Variants in RIF1 observed in about 807,000 individuals in gnomAD.
RIF1 encodes the protein telomere-associated protein RIF1.
Under a neutral mutation model 247.1 loss-of-function variants are expected in RIF1, and 45 were observed. The ratio of observed to expected loss-of-function variants is 0.18; its 90% CI spans 0.14 to 0.23. RIF1 has a LOEUF of 0.23. RIF1 is among the 10% of genes least tolerant of loss of function. The pLI is 1.00. For missense variants in RIF1, 2,967 were observed against 2,862.5 expected, an observed-to-expected ratio of 1.04 and a Z score of -0.83; for synonymous variants, 1,087 against 978.8, an observed-to-expected ratio of 1.11 and a Z score of -2.06.
At chr2:151,437,567 T>C (rs1691462519) in intron 13 of RIF1, among the ~76,000 whole-genome samples, 1 of 152,114 alleles carries the variant, frequency 6.6e-6, no homozygotes, top group African/African-American at 2.4e-5. Context: ...GGCAGATACC[T>C]GTAGTCCCAG....
chr2:151,494,219 G>A (rs756041236), intron 9 of RIF1: 5 of 1,606,366 alleles, frequency 3.1e-6, no homozygotes, highest in Admixed American at 1.7e-5. Context: ...GACAGGGGTT[G>A]CGGTGGCTTT....
chr2:151,515,969 T>G, the RIF1 span, among the ~76,000 whole-genome samples: 3 of 152,220 alleles, frequency 2.0e-5, no homozygotes, highest in Non-Finnish European at 4.4e-5. Flanking sequence ...TGGTTAAAAA[T>G]GACCAAAAGA....
At chr2:151,491,857 C>T in intron 9 of RIF1, 1 of 1,177,854 alleles carries the variant, frequency 8.5e-7, no homozygotes, top group Non-Finnish European at 1.2e-6. Context: ...TTTTAACAAC[C>T]ACCAAAGGAT....
At position 151,460,003 on chromosome 2, in the gene RIF1, G is replaced by A. The variant is rs1210007222; in HGVS notation, c.2959G>A (p.Glu987Lys). ...ESSGPYSDGT[E>K]NSQLNVKISG... ...TGTTTCATTTTTAATAAAACAGACA[G>A]AAAATTCACAACTAAATGTGAAGAT... Residue 987 changes from glutamate to lysine, a missense_variant, in exon 26 of 36, where the codon GAA becomes AAA. Transcript: ENST00000444746. 2 of 1,526,892 alleles carry A rather than the reference G, an allele frequency of 1.3e-6. No homozygotes were observed. The highest frequency in any genetic ancestry group is 2.8e-5 in the African/African-American group (2 of 70,546). 94.6% of individuals were successfully genotyped at this position (1,526,892 alleles called of 1,614,324 possible).
In RIF1 at chr2:151,464,740, A is replaced by C; in HGVS notation, c.5220A>C (p.Gln1740His). ...KGCDCCGEKSQPQEKSLIGLK... is the reference protein window; with the variant it reads ...KGCDCCGEKSHPQEKSLIGLK... ...GTGATTGCTGTGGGGAAAAATCACAACCTCAGGAAAAGTCACTCATTGGGT... is the reference window on the plus strand; with the variant it reads ...GTGATTGCTGTGGGGAAAAATCACACCCTCAGGAAAAGTCACTCATTGGGT... Residue 1740 changes from glutamine to histidine, a missense_variant, in exon 30 of 36, where the codon CAA becomes CAC. Physicochemically the swap from Gln to His is conservative, Grantham distance 24. Transcript: ENST00000444746. The C allele has an allele frequency of 2.5e-6, 4 of 1,613,446 alleles. No individual in the cohort carries two copies. In the South Asian group the frequency reaches 4.4e-5, roughly 18 times the overall value.
At chr2:151,498,206 A>T in intron 10 of RIF1, 1 of 1,549,464 alleles carries the variant, frequency 6.5e-7, no homozygotes, top group Non-Finnish European at 8.7e-7. Flanking sequence ...AAATGTAAAG[A>T]TCAGTTTAAT....
chr2:151,506,403 TTTCC>T, intron 13 of RIF1: 1 of 642,112 alleles, frequency 1.6e-6, no homozygotes, highest in Non-Finnish European at 2.8e-6. Flanking sequence ...GCACCTGACA[TTTCC>T]ATGTCAGTAT....
At chr2:151,432,284 A>G (rs1285972394) in intron 9 of RIF1, among the ~76,000 whole-genome samples, 1 of 152,228 alleles carries the variant, frequency 6.6e-6, no homozygotes, top group Non-Finnish European at 1.5e-5. Flanking sequence ...TGCCAGGATT[A>G]TAGGCGTGAA....
chr2:151,464,497 T>C lies in RIF1; in HGVS notation c.4977T>C (p.Tyr1659=), dbSNP rs371158008. The C allele has an allele frequency of 1.9e-6, 3 of 1,612,388 alleles. No homozygotes were observed. The highest frequency in any genetic ancestry group is 2.5e-6 in the Non-Finnish European group (3 of 1,179,626). ...AGGAAAAAAATGAAACTAGCAAATA[T>C]GCAGAATATTCCTTTACAAGTCTAC... ...VCEEKNETSK[Y]AEYSFTSLPV... The change falls in exon 30 of 36, where the codon TAT becomes TAC. Residue 1659 remains tyrosine (Y), a synonymous_variant. Transcript: ENST00000444746.
chr2:151,443,200 TA>T, intron 16 of RIF1, 58 bp from the exon 17 acceptor site: 1 of 1,101,200 alleles, frequency 9.1e-7, no homozygotes, highest in South Asian at 1.4e-5. Flanking sequence ...TAACCAATTA[TA>T]AAAAACAAAT....
rs1266908490 is a variant in RIF1, at chr2:151,507,628, C to T, written c.*1028-101C>T. On this transcript the variant is annotated intron_variant and NMD_transcript_variant, in intron 13 of 13. Coordinates refer to the RIF1 transcript ENST00000454583. The stretch of plus-strand genomic sequence containing the variant: ...CCAATCACACTTCCGCATCTCTATC[C>T]ATAAAAATACACATATTTCCCTGTT... 4.2e-5 allele frequency: 9 copies of T among 216,216 alleles called. No individual in the cohort carries two copies. In the Admixed American group the frequency reaches 4.7e-4, roughly 11 times the overall value. 13.4% of individuals were successfully genotyped at this position (216,216 alleles called of 1,614,324 possible).
At chr2:151,461,426 C>G in intron 27 of RIF1, 137 bp downstream of exon 27, 2 of 780,340 alleles carry the variant, frequency 2.6e-6, no homozygotes, top group Non-Finnish European at 4.0e-6. Context: ...GAGTTTCACT[C>G]TGTTGCCCAG....
At chr2:151,521,411 A>G in the RIF1 span, among the ~76,000 whole-genome samples, 17 of 147,968 alleles carry the variant, frequency 1.1e-4, no homozygotes, top group Non-Finnish European at 1.5e-5. Flanking sequence ...CTCTCAACAT[A>G]AAGAAGTGGA....
At chr2:151,420,125 T>A (rs1017660260) in intron 6 of RIF1, 65 bp from the exon 7 acceptor site, 1 of 1,420,912 alleles carries the variant, frequency 7.0e-7, no homozygotes, top group Non-Finnish European at 9.7e-7. Flanking sequence ...TTTCACCTAT[T>A]TTACTGCTTG....
At chr2:151,435,832 G>A (rs1691090147) in intron 11 of RIF1, among the ~76,000 whole-genome samples, 1 of 151,356 alleles carries the variant, frequency 6.6e-6, no homozygotes, top group Admixed American at 6.6e-5. Flanking sequence ...AGAGACGGAT[G>A]TTTTTTCAGT....
At chr2:151,466,803 ATG>A (rs1449007843) in intron 30 of RIF1, among the ~76,000 whole-genome samples, 5 of 152,290 alleles carry the variant, frequency 3.3e-5, no homozygotes, top group Non-Finnish European at 7.3e-5. Context: ...CTGAAAAGGT[ATG>A]ATGTTGGCAT....
In RIF1 at chr2:151,410,404, C is replaced by T. The variant is rs753000482; in HGVS notation, c.-10-10C>T. ...CACTGGATTTTCTCCTCTTCCGGTT[C>T]GGGCCTCAGGGTGGCCGACATGACG... On this transcript the variant is annotated splice_polypyrimidine_tract_variant and intron_variant, in intron 1 of 35. Coordinates refer to ENST00000444746, the MANE Select transcript of RIF1 (RefSeq NM_018151.5). 228 of 1,607,156 alleles carry T rather than the reference C, an allele frequency of 1.4e-4. No individual in the cohort carries two copies. The highest frequency in any genetic ancestry group is 1.9e-4 in the Non-Finnish European group (222 of 1,175,622).
rs1025708393 is a variant in RIF1, at chr2:151,490,576, G to A, written c.*416-4653G>A. The A allele has an allele frequency of 3.9e-6, 6 of 1,554,852 alleles. No homozygotes were observed. In the African/African-American group the frequency reaches 4.1e-5, roughly 11 times the overall value. ...AACATGAAATTTCTATGGTAGTAAT[G>A]CCTAACAGTGATTGAATCTCAGTTA... On this transcript the variant is annotated intron_variant and NMD_transcript_variant, in intron 9 of 13. Transcript: ENST00000454583.
In RIF1 at chr2:151,468,802, TA is replaced by T. The variant is rs368489023; in HGVS notation, c.6941+47del. 140 of 1,285,966 alleles carry T rather than the reference TA, an allele frequency of 1.1e-4. No individual in the cohort carries two copies. The African/African-American group carries it at 1.4e-3, about 13-fold the overall frequency. 79.7% of individuals were successfully genotyped at this position (1,285,966 alleles called of 1,614,324 possible). On this transcript the variant is annotated intron_variant, in intron 33 of 35. Coordinates refer to ENST00000444746, the MANE Select transcript of RIF1 (RefSeq NM_018151.5). The stretch of plus-strand genomic sequence containing the variant: ...CTTGCTTATATTCCAAGATGCCACT[TA>T]TTTAAGAGGACTTATCTGATTGCTT...
Sources: allele counts gnomAD v4.1 joint callset (sites outside exome capture counted in the v4.1 genomes callset), GRCh38; gene constraint gnomAD v4.1.1; transcripts MANE v1.5; gene names NCBI Gene and HGNC (gene_info 2026-07-23, HGNC 2026-07-21).